LARP1: variants seen among roughly 807,000 people sequenced by gnomAD.
LARP1 encodes la-related protein 1.
In LARP1, 36 loss-of-function variants were observed where a neutral mutation model predicts 122.7. That is an observed-to-expected ratio of 0.29 (90% CI 0.22 to 0.39). LARP1 has a LOEUF of 0.39. LARP1 is among the 10% of genes least tolerant of loss of function. The pLI is 1.00. For synonymous variants in LARP1, 539 were observed against 528.7 expected, an observed-to-expected ratio of 1.02 and a Z score of -0.27; for missense variants, 1,040 against 1,403.6, an observed-to-expected ratio of 0.74 and a Z score of 4.14.
At chr5:154,776,987 A>T (rs1276197193) in intron 1 of LARP1, among the ~76,000 whole-genome samples, 14 of 152,228 alleles carry the variant, frequency 9.2e-5, no homozygotes, top group Admixed American at 9.2e-4. Context: ...GTCTCGTGTC[A>T]CTTAACAGGG....
intron 1 of LARP1, among the ~76,000 whole-genome samples, chr5:154,765,007 T>G (rs976554942): frequency 6.6e-6 from 1 of 152,052 alleles, no homozygotes; most frequent in Admixed American, 6.5e-5. Context: ...TCATTTCTCA[T>G]GTAGATTTTT....
Position 154,793,683 on chromosome 5 carries a change from G to A in LARP1, c.828G>A (p.Pro276=), listed in dbSNP as rs148969753. ...TGGCTTCACGCCCCACTCGCCCACC[G>A]GAGCCTAGACACATACCTGCCAATC... ...EKLASRPTRP[P]EPRHIPANRG... Residue 276 remains proline, a synonymous_variant, in exon 5 of 19, where the codon CCG becomes CCA. Coordinates refer to ENST00000518297, the MANE Select transcript of LARP1 (RefSeq NM_033551.3). The A allele has an allele frequency of 2.0e-5, 33 of 1,614,124 alleles. No homozygotes were observed. The highest frequency in any genetic ancestry group is 3.3e-5 in the South Asian group (3 of 91,084).
intron 8 of LARP1, among the ~76,000 whole-genome samples, chr5:154,798,429 TAGAA>T (rs1456085688): frequency 6.6e-6 from 1 of 152,244 alleles, no homozygotes; most frequent in Admixed American, 6.5e-5. Flanking sequence ...CAGTATATAA[TAGAA>T]AGATATTCCT....
At chr5:154,759,347 T>A (rs1754259223) in intron 1 of LARP1, among the ~76,000 whole-genome samples, 1 of 152,196 alleles carries the variant, frequency 6.6e-6, no homozygotes, top group Admixed American at 6.5e-5. Context: ...AGATCTTTCC[T>A]TTTCTTGTGT....
rs374889905 is a variant in LARP1 at position 154,756,119 on chromosome 5, C to T, written c.362C>T (p.Pro121Leu). 1.1e-4 allele frequency: 141 copies of T among 1,249,482 alleles called. No homozygotes were observed. The highest frequency in any genetic ancestry group is 1.4e-4 in the Non-Finnish European group (131 of 966,752). 77.4% of individuals were successfully genotyped at this position (1,249,482 alleles called of 1,614,324 possible). Residue 121 changes from proline to leucine, a missense_variant, in exon 1 of 19, where the codon CCG becomes CTG. Around this residue, in one of 8 missense-constraint regions of LARP1, gnomAD observed 257 missense variants for 273.3 expected, o/e 0.94. Transcript: ENST00000518297. Reference protein sequence around the residue: ...AGRRDFVEAPPPKVNPWTKNA... With the variant: ...AGRRDFVEAPLPKVNPWTKNA... ...CGCCGGGACTTCGTGGAAGCCCCCC[C>T]GCCCAAGGTGAACCCGTGGACTAAG...
At chr5:154,777,514 CTG>C (rs918955557) in intron 1 of LARP1, among the ~76,000 whole-genome samples, 5 of 152,082 alleles carry the variant, frequency 3.3e-5, no homozygotes, top group East Asian at 1.9e-4. Context: ...GAGCGAGACT[CTG>C]TATCAAAAAG....
chr5:154,707,718 GT>G (rs1209934284), intron 1 of LARP1, among the ~76,000 whole-genome samples: 1 of 152,250 alleles, frequency 6.6e-6, no homozygotes, highest in East Asian at 1.9e-4. Context: ...ATTGTAATAT[GT>G]TCAATTTTCT....
chr5:154,760,172 A>G (rs1754335722), intron 1 of LARP1, among the ~76,000 whole-genome samples: 1 of 152,130 alleles, frequency 6.6e-6, no homozygotes. Context: ...TCCCGACCTC[A>G]GGTGATCCAC....
intron 1 of LARP1, chr5:154,757,203 A>C (rs990437041): frequency 2.7e-5 from 4 of 150,724 alleles, no homozygotes; most frequent in Non-Finnish European, 5.9e-5. Flanking sequence ...GGGGAGCGGC[A>C]TGTGACTGCC....
chr5:154,721,141 G>A (rs528981410), intron 1 of LARP1, among the ~76,000 whole-genome samples: 1 of 151,972 alleles, frequency 6.6e-6, no homozygotes, highest in East Asian at 1.9e-4. Flanking sequence ...CCAGGGGTTG[G>A]AGACTTGCCT....
At chr5:154,724,953 A>G (rs1756106370) in intron 1 of LARP1, among the ~76,000 whole-genome samples, 1 of 152,204 alleles carries the variant, frequency 6.6e-6, no homozygotes, top group Non-Finnish European at 1.5e-5. Context: ...GGCATGAGCC[A>G]TCTCGCCTGG....
chr5:154,762,759 C>T (rs1219777318), intron 1 of LARP1, among the ~76,000 whole-genome samples: 2 of 152,192 alleles, frequency 1.3e-5, no homozygotes, highest in Non-Finnish European at 2.9e-5. Flanking sequence ...CTAGTGGTAA[C>T]CACCTTACTC....
At chr5:154,795,968 A>G (rs1456017852) in intron 8 of LARP1, among the ~76,000 whole-genome samples, 3 of 115,134 alleles carry the variant, frequency 2.6e-5, no homozygotes, top group African/African-American at 3.4e-5. Context: ...ATTTTTATAC[A>G]TATTATATAT....
chr5:154,802,447 T>C lies in LARP1; in HGVS notation c.2109+48T>C. 1 of 1,519,548 alleles carries C rather than the reference T, an allele frequency of 6.6e-7. No homozygotes were observed. The highest frequency in any genetic ancestry group is 1.3e-5 in the South Asian group (1 of 76,700). The allele number at this position is 1,519,548 out of a possible 1,614,324, so 94.1% of individuals were successfully genotyped here. ...AGTGTGGAGCCTGGTGTGCCTGTAT[T>C]GTACGGAGAAGAGGAAGCCTGATTA... On this transcript the variant is annotated intron_variant, in intron 11 of 18. Transcript: ENST00000518297. The surrounding 1 kb of genome is among the most constrained non-coding windows in gnomAD (Gnocchi z 5.1).
At chr5:154,688,653 C>CAAAAAAAAAAAAAA (rs10677648) in intron 1 of LARP1, among the ~76,000 whole-genome samples, 2 of 79,484 alleles carry the variant, frequency 2.5e-5, no homozygotes, top group Non-Finnish European at 4.4e-5. Flanking sequence ...GACTCCATCT[C>CAAAAAAAAAAAAAA]AAAAAAAAAA....
chr5:154,784,812 GT>G (rs1756756145), intron 1 of LARP1, among the ~76,000 whole-genome samples: 1 of 152,202 alleles, frequency 6.6e-6, no homozygotes, highest in African/African-American at 2.4e-5. Flanking sequence ...CCTCTGGGTA[GT>G]TTTTGTTTCA....
intron 3 of LARP1, among the ~76,000 whole-genome samples, chr5:154,791,114 G>A (rs1410799471): frequency 6.6e-6 from 1 of 150,830 alleles, no homozygotes; most frequent in Non-Finnish European, 1.5e-5. Flanking sequence ...ACCGTGCCCG[G>A]CCTCTCAGTG....
intron 1 of LARP1, among the ~76,000 whole-genome samples, chr5:154,738,011 T>G (rs1757008132): frequency 6.6e-6 from 1 of 152,112 alleles, no homozygotes; most frequent in South Asian, 2.1e-4. Context: ...TAAGGGACAA[T>G]GGGAGGCCCC....
At chr5:154,760,635 T>A (rs1262323194) in intron 1 of LARP1, among the ~76,000 whole-genome samples, 1 of 152,106 alleles carries the variant, frequency 6.6e-6, no homozygotes, top group Non-Finnish European at 1.5e-5. Flanking sequence ...AAACTGAACC[T>A]AAATCTAACA....
Sources: allele counts gnomAD v4.1 joint callset (sites outside exome capture counted in the v4.1 genomes callset), GRCh38; gene constraint gnomAD v4.1.1; regional missense constraint gnomAD v4.1.1; non-coding constraint Gnocchi (gnomAD v3.1); transcripts MANE v1.5; gene names NCBI Gene and HGNC (gene_info 2026-07-23, HGNC 2026-07-21).